Variants in PDZD2 observed in about 807,000 individuals in gnomAD.
PDZD2 encodes the protein PDZ domain containing 2, also known as PDZ domain-containing protein 2.
PDZD2 carries 90 observed loss-of-function variants against 220.7 expected under a neutral mutation model. The ratio of observed to expected loss-of-function variants is 0.41; its 90% confidence interval spans 0.34 to 0.49. The LOEUF is 0.49. Among genes scored for constraint, PDZD2 ranks in the 20% least tolerant of loss-of-function variants. PDZD2 has a pLI of 0.28. For missense variants in PDZD2, 3,174 were observed against 3,608.5 expected, an observed-to-expected ratio of 0.88 and a Z score of 3.08; for synonymous variants, 1,375 against 1,450.5, an observed-to-expected ratio of 0.95 and a Z score of 1.18.
intron 2 of PDZD2, among the ~76,000 whole-genome samples, chr5:31,859,800 A>AATGTCTCAGAATC (rs1183850009): frequency 6.6e-6 from 1 of 152,214 alleles, no homozygotes; most frequent in African/African-American, 2.4e-5. Context: ...AGAAGGAGGC[A>AATGTCTCAGAATC]TAGAACAATG....
intron 6 of PDZD2, among the ~76,000 whole-genome samples, chr5:32,014,321 T>G (rs376662156): frequency 6.6e-6 from 1 of 152,192 alleles, no homozygotes; most frequent in Non-Finnish European, 1.5e-5. Flanking sequence ...CGTCCCCTTA[T>G]GATTTATTTT....
chr5:31,686,904 G>T (rs1324520638), intron 1 of PDZD2, among the ~76,000 whole-genome samples: 1 of 151,938 alleles, frequency 6.6e-6, no homozygotes, highest in Admixed American at 6.6e-5. Flanking sequence ...TACCTCTTTG[G>T]AGGGTTCTGG....
chr5:31,943,126 A>G (rs1354415844), intron 2 of PDZD2, among the ~76,000 whole-genome samples: 2 of 151,676 alleles, frequency 1.3e-5, no homozygotes, highest in African/African-American at 4.8e-5. Flanking sequence ...TCTCTTGAAC[A>G]TGGGAGGCGG....
chr5:31,856,592 GCCT>G (rs2150306217), intron 2 of PDZD2, among the ~76,000 whole-genome samples: 1 of 152,208 alleles, frequency 6.6e-6, no homozygotes, highest in South Asian at 2.1e-4. Context: ...CTGCCTTTCT[GCCT>G]CCTCACGTCC....
At chr5:32,003,267 CCA>C (rs1453387740) in intron 5 of PDZD2, among the ~76,000 whole-genome samples, 23 of 124,458 alleles carry the variant, frequency 1.8e-4, no homozygotes, top group African/African-American at 5.4e-4. Flanking sequence ...ACACCACATG[CCA>C]CACACACACC....
intron 19 of PDZD2, among the ~76,000 whole-genome samples, chr5:32,084,194 G>C (rs1197467132): frequency 6.6e-6 from 1 of 152,236 alleles, no homozygotes; most frequent in Non-Finnish European, 1.5e-5. Flanking sequence ...TGGAAAGCTA[G>C]TAGCTAGTAC....
intron 6 of PDZD2, among the ~76,000 whole-genome samples, chr5:32,024,855 G>T (rs1014963613): frequency 1.3e-5 from 2 of 152,170 alleles, no homozygotes; most frequent in African/African-American, 4.8e-5. Context: ...GCTCACCTCT[G>T]CCTTTGTACT....
rs201808246 is a variant in PDZD2, at chr5:32,110,049, G to T, written c.*1914G>T. ...GGTGCATGCTTGATTGATAGATATT[G>T]ATTGATTGTTTTTCAGTCTCTGGGG... On this transcript the variant is annotated 3_prime_UTR_variant, in exon 25 of 25. Coordinates refer to ENST00000438447, the MANE Select transcript of PDZD2 (RefSeq NM_178140.4). The T allele has an allele frequency of 6.6e-5, 1 of 15,236 alleles. No homozygotes were observed. The highest frequency in any genetic ancestry group is 3.0e-4 in the African/African-American group (1 of 3,348). The allele number at this position is 15,236 out of a possible 1,614,324, so 0.9% of individuals were successfully genotyped here. A position where few individuals can be genotyped will look rare whatever the true frequency, so the allele number is the denominator to read the frequency against.
chr5:31,831,021 C>T (rs1311358275), intron 2 of PDZD2, among the ~76,000 whole-genome samples: 4 of 152,186 alleles, frequency 2.6e-5, no homozygotes, highest in Non-Finnish European at 5.9e-5. Context: ...GTGTGGAGAC[C>T]CAGTTCCCTG....
At chr5:31,793,623 A>G (rs1238661882) in intron 1 of PDZD2, among the ~76,000 whole-genome samples, 1 of 152,190 alleles carries the variant, frequency 6.6e-6, no homozygotes, top group Non-Finnish European at 1.5e-5. Flanking sequence ...CCTGGCCAAC[A>G]TGACAAAACC....
At chr5:31,996,505 C>A (rs1751650110) in intron 4 of PDZD2, among the ~76,000 whole-genome samples, 1 of 152,048 alleles carries the variant, frequency 6.6e-6, no homozygotes, top group Non-Finnish European at 1.5e-5. Flanking sequence ...TCAGGAGTTC[C>A]AGACCAGCCT....
intron 5 of PDZD2, among the ~76,000 whole-genome samples, chr5:32,009,126 C>T (rs1310104299): frequency 2.6e-5 from 4 of 151,846 alleles, no homozygotes; most frequent in South Asian, 2.1e-4. Flanking sequence ...AGGCAGATCA[C>T]GAGGTCAGGG....
chr5:31,880,247 G>C (rs1332357229), intron 2 of PDZD2, among the ~76,000 whole-genome samples: 1 of 152,144 alleles, frequency 6.6e-6, no homozygotes, highest in Admixed American at 6.5e-5. Flanking sequence ...AAAGACGAGA[G>C]CAATGATGGA....
At chr5:31,908,837 G>A (rs1173733937) in intron 2 of PDZD2, 2 of 560,798 alleles carry the variant, frequency 3.6e-6, no homozygotes, top group Non-Finnish European at 6.5e-6. Context: ...TTGAGCTCAG[G>A]AGTTTGAGAC....
intron 1 of PDZD2, among the ~76,000 whole-genome samples, chr5:31,741,679 T>G (rs1379415222): frequency 6.6e-6 from 1 of 152,192 alleles, no homozygotes; most frequent in Non-Finnish European, 1.5e-5. Context: ...CTGCCAGTTC[T>G]AGGCAAAACT....
chr5:31,888,122 T>G (rs1039403144), intron 2 of PDZD2, among the ~76,000 whole-genome samples: 1 of 152,168 alleles, frequency 6.6e-6, no homozygotes, highest in South Asian at 2.1e-4. Flanking sequence ...CTGCCTTCCT[T>G]TCTTGTTTTG....
At chr5:31,934,037 G>A (rs147678094) in intron 2 of PDZD2, among the ~76,000 whole-genome samples, 11 of 152,258 alleles carry the variant, frequency 7.2e-5, no homozygotes, top group Non-Finnish European at 1.3e-4. Flanking sequence ...TCCACCCTTC[G>A]TTGAGAGAAT....
chr5:32,098,384 G>A lies in PDZD2; in HGVS notation c.7968G>A (p.Gln2656=), dbSNP rs761715938. ...CCCAGGTCCACAGGGTGTTTTCTCA[G>A]GGGGCGGCTTCTCAGGAAGGGACTA... is the stretch of plus-strand genomic sequence containing the variant. ...KSITVHRVFS[Q]GAASQEGTMN... Residue 2656 remains glutamine, a synonymous_variant, in exon 23 of 25, where the codon CAG becomes CAA. Coordinates refer to ENST00000438447, the MANE Select transcript of PDZD2 (RefSeq NM_178140.4). This position sits in a 1 kb window ranked among gnomAD's most constrained non-coding sequence, Gnocchi z 4.1. The A allele has an allele frequency of 1.2e-6, 2 of 1,614,126 alleles. No individual in the cohort carries two copies. The highest frequency in any genetic ancestry group is 1.7e-6 in the Non-Finnish European group (2 of 1,180,004).
chr5:32,008,915 G>A (rs1470188731), intron 5 of PDZD2, among the ~76,000 whole-genome samples: 1 of 152,194 alleles, frequency 6.6e-6, no homozygotes, highest in Non-Finnish European at 1.5e-5. Context: ...TCCCAGCAGA[G>A]GGAGCTGCTG....
Sources: allele counts gnomAD v4.1 joint callset (sites outside exome capture counted in the v4.1 genomes callset), GRCh38; gene constraint gnomAD v4.1.1; non-coding constraint Gnocchi (gnomAD v3.1); transcripts MANE v1.5; gene names NCBI Gene and HGNC (gene_info 2026-07-23, HGNC 2026-07-21).